Variants in ABCA5 observed in about 807,000 individuals in gnomAD.
ABCA5 encodes cholesterol transporter ABCA5.
A neutral mutation model predicts 206.0 loss-of-function variants in ABCA5; 163 were observed. The observed-to-expected ratio is 0.79, with a 90% CI of 0.70 to 0.90. The LOEUF (loss-of-function observed/expected upper bound fraction) is 0.90. Among genes scored for constraint, ABCA5 ranks in the 40% least tolerant of loss-of-function variants. The probability of loss-of-function intolerance (pLI) is 0.00; values close to 1 mark genes in which losing one functional copy is unlikely to be tolerated. For missense variants in ABCA5, 1,859 were observed against 1,912.9 expected, an observed-to-expected ratio of 0.97 and a Z score of 0.53; for synonymous variants, 609 against 613.8, an observed-to-expected ratio of 0.99 and a Z score of 0.11.
chr17:69,319,881 G>C (rs1362065327), intron 1 of ABCA5, among the ~76,000 whole-genome samples: 1 of 152,178 alleles, frequency 6.6e-6, no homozygotes, highest in Non-Finnish European at 1.5e-5. Context: ...AATGCCCAAA[G>C]TAGTATAGGT....
chr17:69,269,592 A>G (rs1039040624), intron 22 of ABCA5, among the ~76,000 whole-genome samples: 1 of 152,180 alleles, frequency 6.6e-6, no homozygotes, highest in Non-Finnish European at 1.5e-5. Context: ...AAAATCTTCT[A>G]CTCAAATATT....
In ABCA5 at chr17:69,247,586, T is replaced by C. The variant is rs2074965232; in HGVS notation, c.4880A>G (p.Asn1627Ser). The C allele has an allele frequency of 6.2e-7, 1 of 1,611,342 alleles. No individual in the cohort carries two copies. The highest frequency in any genetic ancestry group is 8.5e-7 in the Non-Finnish European group (1 of 1,178,990). Residue 1627 changes from asparagine (N) to serine (S), a missense_variant, in exon 39 of 39, where the codon AAC becomes AGC. Asn to Ser is a conservative substitution (Grantham distance 46). Coordinates refer to ENST00000392676, the MANE Select transcript of ABCA5 (RefSeq NM_172232.4). ...TGTTCGTTCCCACCAAAGTGTGCTGTTTAAAGTTCCACAACTATTATCTTC... is the reference window on the plus strand; with the variant it reads ...TGTTCGTTCCCACCAAAGTGTGCTGCTTAAAGTTCCACAACTATTATCTTC... The part of the protein sequence containing the change: ...EEEDNSCGTL[N>S]STLWWERTQE...
rs1043798301 is a variant in ABCA5, at chr17:69,294,722, T to A, written c.1437-9A>T. On this transcript the variant is annotated splice_polypyrimidine_tract_variant and intron_variant, in intron 10 of 38. Transcript: ENST00000392676. ...TCTGAATACCACTAATTCTGAAATA[T>A]AAAGTTTTATATTTTAAGTATTTAA... The A allele has an allele frequency of 6.4e-6, 10 of 1,571,760 alleles. No individual in the cohort carries two copies. The highest frequency in any genetic ancestry group is 1.4e-5 in the African/African-American group (1 of 73,694).
intron 32 of ABCA5, among the ~76,000 whole-genome samples, 195 bp from the exon 33 acceptor site, chr17:69,254,064 TTAAAA>T (rs746110385): frequency 7.2e-5 from 11 of 152,156 alleles, no homozygotes; most frequent in Non-Finnish European, 1.5e-4. Flanking sequence ...TCACTTTGAA[TTAAAA>T]TAAGTTTCAT....
intron 24 of ABCA5, 35 bp from the exon 25 acceptor site, chr17:69,261,783 A>C (rs778232811): frequency 8.4e-6 from 7 of 829,226 alleles, no homozygotes; most frequent in Non-Finnish European, 1.3e-5. Context: ...TAAAAATATG[A>C]ATAGCTTGCA....
intron 35 of ABCA5, chr17:69,251,376 A>G (rs2075011436): frequency 5.7e-6 from 1 of 175,156 alleles, no homozygotes; most frequent in African/African-American, 2.4e-5. Flanking sequence ...TTGTTCTGTA[A>G]GGAAGATGTA....
chr17:69,256,840 A>G (rs2075088850), intron 28 of ABCA5, among the ~76,000 whole-genome samples: 1 of 152,158 alleles, frequency 6.6e-6, no homozygotes, highest in South Asian at 2.1e-4. Context: ...ATTTATGACT[A>G]GTAGGTGTCA....
chr17:69,320,833 G>A (rs1423058592), intron 1 of ABCA5, among the ~76,000 whole-genome samples: 1 of 152,140 alleles, frequency 6.6e-6, no homozygotes, highest in Admixed American at 6.6e-5. Flanking sequence ...GCAAGGACTG[G>A]TCTGCATAAT....
Position 69,284,072 on chromosome 17 carries a change from C to T in ABCA5, c.2273G>A (p.Gly758Asp). The T allele has an allele frequency of 3.9e-6, 6 of 1,548,020 alleles. No homozygotes were observed. The highest frequency in any genetic ancestry group is 1.4e-5 in the African/African-American group (1 of 70,842). Residue 758 changes from glycine (G) to aspartate (D), a missense_variant and splice_region_variant, in exon 18 of 39, where the codon GGT becomes GAT. Physicochemically the swap from Gly to Asp is moderately conservative, Grantham distance 94. Coordinates refer to ENST00000392676, the MANE Select transcript of ABCA5 (RefSeq NM_172232.4). ...LPFKDMDKFS[G>D]LFSALDSHSN... ...ATGACTGTCTAGGGCAGAAAACAAA[C>T]CTAAAAGAAAAAAATGAAAGAATAG...
chr17:69,296,762 C>T (rs546127817), intron 10 of ABCA5, among the ~76,000 whole-genome samples: 3 of 152,246 alleles, frequency 2.0e-5, no homozygotes, highest in East Asian at 3.9e-4. Flanking sequence ...GCTACGAATT[C>T]GAGACCAGTC....
chr17:69,252,693 C>A (rs1020625828), intron 34 of ABCA5, among the ~76,000 whole-genome samples: 1 of 151,830 alleles, frequency 6.6e-6, no homozygotes, highest in Non-Finnish European at 1.5e-5. Context: ...AAAAATTAGC[C>A]GGGCTTGGTG....
chr17:69,270,543 G>A, intron 22 of ABCA5, 70 bp downstream of exon 22: 2 of 1,343,894 alleles, frequency 1.5e-6, no homozygotes, highest in African/African-American at 1.5e-5. Flanking sequence ...TGTTATTTTT[G>A]CTTAGTTTTT....
Position 69,306,767 on chromosome 17 carries a change from TTTA to T in ABCA5, c.743_745del (p.Ile248del). ...AAGTCCCATTATCTTTAAAAATTCTTTTATTTTTTTTTCTTTTTCTGCTACGAT... is the reference window on the plus strand; with the variant it reads ...AAGTCCCATTATCTTTAAAAATTCTTTTTTTTTTTCTTTTTCTGCTACGAT... On this transcript the variant is annotated inframe_deletion, in exon 6 of 39. Coordinates refer to ENST00000392676, the MANE Select transcript of ABCA5 (RefSeq NM_172232.4). 6.4e-7 allele frequency: 1 copy of T among 1,567,240 alleles called. No individual in the cohort carries two copies.
At chr17:69,255,414 C>T (rs2075063514) in intron 31 of ABCA5, 129 bp downstream of exon 31, 5 of 538,504 alleles carry the variant, frequency 9.3e-6, no homozygotes, top group Non-Finnish European at 1.5e-5. Context: ...ATAATTTGAT[C>T]AGGCTGTACA....
chr17:69,262,900 T>A (rs1598156316), intron 24 of ABCA5, among the ~76,000 whole-genome samples: 2 of 152,216 alleles, frequency 1.3e-5, no homozygotes, highest in East Asian at 3.9e-4. Flanking sequence ...CCAGCATCTG[T>A]TGGTTTTGAC....
chr17:69,278,736 G>A (rs551511679), intron 18 of ABCA5, among the ~76,000 whole-genome samples: 2 of 151,964 alleles, frequency 1.3e-5, no homozygotes, highest in Non-Finnish European at 2.9e-5. Context: ...ATTTATTTAC[G>A]TACTTTATGT....
chr17:69,274,852 T>TTTTTG (rs1221638983), intron 19 of ABCA5, among the ~76,000 whole-genome samples: 6 of 140,164 alleles, frequency 4.3e-5, no homozygotes, highest in Non-Finnish European at 6.2e-5. Flanking sequence ...TTTTTTTTTT[T>TTTTTG]TTTTTTTTTG....
chr17:69,268,158 GA>G, intron 22 of ABCA5, 102 bp from the exon 23 acceptor site: 1 of 578,472 alleles, frequency 1.7e-6, no homozygotes, highest in South Asian at 2.6e-5. Flanking sequence ...CAAAACCTCA[GA>G]AAGAATGTAT....
chr17:69,314,427 A>G lies in ABCA5; in HGVS notation c.-12T>C. ...ATTGCAGTGGACATGTTTTCTGAATAAACCTATTAAAGAGGAAAAACAAAC... is the reference window on the plus strand; with the variant it reads ...ATTGCAGTGGACATGTTTTCTGAATGAACCTATTAAAGAGGAAAAACAAAC... On this transcript the variant is annotated 5_prime_UTR_variant, in exon 2 of 39. Transcript: ENST00000392676. 1 of 1,578,350 alleles carries G rather than the reference A, an allele frequency of 6.3e-7. No homozygotes were observed. The highest frequency in any genetic ancestry group is 8.7e-7 in the Non-Finnish European group (1 of 1,150,648).
Sources: allele counts gnomAD v4.1 joint callset (sites outside exome capture counted in the v4.1 genomes callset), GRCh38; gene constraint gnomAD v4.1.1; transcripts MANE v1.5; gene names NCBI Gene and HGNC (gene_info 2026-07-23, HGNC 2026-07-21).